The following CPED1 variants were observed in gnomAD, a reference collection of about 807,000 sequenced individuals.
CPED1 encodes cadherin-like and PC-esterase domain-containing protein 1.
CPED1 carries 114 observed loss-of-function variants against 128.2 expected under a neutral mutation model. The ratio of observed to expected loss-of-function variants is 0.89; its 90% CI spans 0.76 to 1.04. The LOEUF (loss-of-function observed/expected upper bound fraction) is 1.04, where lower values mean the gene tolerates loss of function less well. Ranked by LOEUF, CPED1 falls within the 50% of genes least tolerant of loss-of-function variation. The pLI is 0.00. For synonymous variants in CPED1, 462 were observed against 426.7 expected (o/e 1.08, Z -1.02); for missense variants, 1,211 against 1,207.1 (o/e 1.00, Z -0.05).
chr7:121,105,783 G>A (rs1383465960), intron 7 of CPED1, among the ~76,000 whole-genome samples: 1 of 152,106 alleles, frequency 6.6e-6, no homozygotes, highest in Non-Finnish European at 1.5e-5. Flanking sequence ...TAGCAACTTT[G>A]TGTCTTTTTA....
chr7:121,201,664 C>T (rs1007502435), intron 16 of CPED1, among the ~76,000 whole-genome samples: 2 of 152,022 alleles, frequency 1.3e-5, no homozygotes, highest in African/African-American at 4.8e-5. Flanking sequence ...CCTGGTAAGC[C>T]CTCTAGGAAT....
intron 22 of CPED1, among the ~76,000 whole-genome samples, chr7:121,289,667 A>G (rs1203449528): frequency 1.3e-5 from 2 of 152,204 alleles, no homozygotes; most frequent in African/African-American, 4.8e-5. Context: ...AGAACTCAAA[A>G]CAATTTTTAA....
chr7:121,148,248 A>G (rs1160628310), intron 16 of CPED1, among the ~76,000 whole-genome samples: 1 of 152,190 alleles, frequency 6.6e-6, no homozygotes, highest in Non-Finnish European at 1.5e-5. Flanking sequence ...AGTACCCACT[A>G]TGCACTTTGT....
At chr7:120,989,328 C>A in intron 1 of CPED1, 63 bp from the exon 2 acceptor site, 1 of 359,544 alleles carries the variant, frequency 2.8e-6, no homozygotes. Context: ...AGTTTGGCAG[C>A]CTGGGGTACA....
chr7:121,065,719 A>G (rs1793814588), intron 5 of CPED1, among the ~76,000 whole-genome samples: 1 of 152,268 alleles, frequency 6.6e-6, no homozygotes, highest in South Asian at 2.1e-4. Flanking sequence ...CTGTAAAACT[A>G]AGAAGTATTT....
chr7:121,105,191 T>TTA (rs1794945911), intron 7 of CPED1, among the ~76,000 whole-genome samples: 2 of 152,080 alleles, frequency 1.3e-5, no homozygotes, highest in Non-Finnish European at 2.9e-5. Flanking sequence ...CAAGATTCCT[T>TTA]TTAAAAAGAT....
rs1798389965 is a variant in CPED1 at position 121,241,376 on chromosome 7, AAAAAAAAAAG to A, written c.2174-2822_2174-2813del. Reference sequence around the variant, plus strand: ...AAAAAAAAAAAAAAAAAAAAAAAAAAAAAAAAAAAGAAATTATAAAACAGAATTGGATGGA... The same window carrying A: ...AAAAAAAAAAAAAAAAAAAAAAAAAAAAATTATAAAACAGAATTGGATGGA... On this transcript the variant is annotated intron_variant, in intron 17 of 22. Coordinates refer to ENST00000310396, the MANE Select transcript of CPED1 (RefSeq NM_024913.5). Among the ~76,000 whole-genome samples the A allele has an allele frequency of 4.1e-5, 2 of 48,772 alleles. 1 individual carries two copies. Among genetic ancestry groups the A allele is most frequent in the African/African-American group, 1.8e-4 (2 of 10,812 alleles). The allele number at this position is 48,772 out of a possible 152,430, so 32.0% of individuals were successfully genotyped here. A position where few individuals can be genotyped will look rare whatever the true frequency, so the allele number is the denominator to read the frequency against.
At chr7:121,259,467 T>C (rs1243978410) in intron 18 of CPED1, among the ~76,000 whole-genome samples, 1 of 152,048 alleles carries the variant, frequency 6.6e-6, no homozygotes, top group African/African-American at 2.4e-5. Flanking sequence ...TTTTTGTATA[T>C]GTACATAGGT....
chr7:121,246,799 G>A (rs1468596839), intron 18 of CPED1, among the ~76,000 whole-genome samples: 2 of 152,120 alleles, frequency 1.3e-5, no homozygotes, highest in East Asian at 1.9e-4. Flanking sequence ...ATGAGAGAGG[G>A]TATTGCAAAA....
At chr7:121,145,309 C>T (rs761760336) in intron 16 of CPED1, among the ~76,000 whole-genome samples, 2 of 151,980 alleles carry the variant, frequency 1.3e-5, no homozygotes, top group Admixed American at 6.6e-5. Context: ...GAATAGATTA[C>T]GTCAGGAAAA....
chr7:121,060,946 C>G (rs929901495), intron 4 of CPED1, among the ~76,000 whole-genome samples: 2 of 152,062 alleles, frequency 1.3e-5, no homozygotes, highest in African/African-American at 2.4e-5. Context: ...ACGAGCCCCC[C>G]GGGAGGAACG....
chr7:121,151,897 T>G (rs1796168475), intron 16 of CPED1, among the ~76,000 whole-genome samples: 1 of 152,176 alleles, frequency 6.6e-6, no homozygotes, highest in Admixed American at 6.5e-5. Context: ...GCATGTGTTG[T>G]AGGAACAAGA....
In CPED1 at chr7:121,244,105, T is replaced by C. The variant is rs1798464001; in HGVS notation, c.2174-97T>C. 23 of 1,408,100 alleles carry C rather than the reference T, an allele frequency of 1.6e-5. No individual in the cohort carries two copies. In the South Asian group the frequency reaches 2.4e-4, roughly 15 times the overall value. 87.2% of individuals were successfully genotyped at this position (1,408,100 alleles called of 1,614,324 possible). A position where few individuals can be genotyped will look rare whatever the true frequency, so the allele number is the denominator to read the frequency against. ...TTAAAGGATAAGGATGGTCTTACTATAATTTCTGAAATGGTGTGCCATAGC... is the reference window on the plus strand; with the variant it reads ...TTAAAGGATAAGGATGGTCTTACTACAATTTCTGAAATGGTGTGCCATAGC... On this transcript the variant is annotated intron_variant, in intron 17 of 22. Coordinates refer to ENST00000310396, the MANE Select transcript of CPED1 (RefSeq NM_024913.5).
intron 2 of CPED1, among the ~76,000 whole-genome samples, chr7:120,991,860 G>A (rs1464380466): frequency 6.6e-6 from 1 of 152,130 alleles, no homozygotes; most frequent in Non-Finnish European, 1.5e-5. Context: ...TAGTTCAGGA[G>A]CCCAGTGGAT....
chr7:121,291,998 C>A (rs1422338565), intron 22 of CPED1, among the ~76,000 whole-genome samples: 1 of 151,912 alleles, frequency 6.6e-6, no homozygotes, highest in African/African-American at 2.4e-5. Flanking sequence ...TGGGGTTGCT[C>A]TTCTTGAAGA....
At chr7:121,285,360 T>A (rs1792544191) in intron 22 of CPED1, among the ~76,000 whole-genome samples, 1 of 152,204 alleles carries the variant, frequency 6.6e-6, no homozygotes, top group South Asian at 2.1e-4. Context: ...TGTTGACATT[T>A]TCCCCATTGT....
chr7:121,237,664 T>G (rs1295664853), intron 17 of CPED1, among the ~76,000 whole-genome samples: 2 of 152,156 alleles, frequency 1.3e-5, no homozygotes, highest in Non-Finnish European at 2.9e-5. Flanking sequence ...CCAAGTTTCC[T>G]GGTTACTGCT....
intron 16 of CPED1, among the ~76,000 whole-genome samples, chr7:121,178,435 C>T (rs13233295): frequency 0.098 from 14,824 of 152,008 alleles, 780 homozygotes; most frequent in South Asian, 0.17. Flanking sequence ...GGCATTAACT[C>T]TGTGCTGTAA....
intron 16 of CPED1, among the ~76,000 whole-genome samples, chr7:121,193,406 A>C (rs1292930183): frequency 6.6e-6 from 1 of 152,140 alleles, no homozygotes; most frequent in African/African-American, 2.4e-5. Context: ...TAGTACCCTA[A>C]TACCTTTTAG....
Sources: allele counts gnomAD v4.1 joint callset (sites outside exome capture counted in the v4.1 genomes callset), GRCh38; gene constraint gnomAD v4.1.1; transcripts MANE v1.5; gene names NCBI Gene and HGNC (gene_info 2026-07-23, HGNC 2026-07-21).